The following USP7 variants were observed in gnomAD, a reference collection of about 807,000 sequenced individuals.
USP7 encodes the protein ubiquitin C-terminal hydrolase 7.
In USP7, 9 loss-of-function variants were observed where a neutral mutation model predicts 162.9. The ratio of observed to expected loss-of-function variants is 0.06; its 90% CI spans 0.03 to 0.10. The LOEUF (loss-of-function observed/expected upper bound fraction) is 0.10, where lower values mean the gene tolerates loss of function less well. Among genes scored for constraint, USP7 ranks in the 10% least tolerant of loss-of-function variants. The pLI is 1.00. For synonymous variants in USP7, 562 were observed against 475.9 expected, an observed-to-expected ratio of 1.18 and a Z score of -2.35; for missense variants, 715 against 1,373.7, an observed-to-expected ratio of 0.52 and a Z score of 7.58.
At chr16:8,947,577 G>A (rs1899346961) in intron 1 of USP7, among the ~76,000 whole-genome samples, 1 of 152,140 alleles carries the variant, frequency 6.6e-6, no homozygotes, top group African/African-American at 2.4e-5. Flanking sequence ...CGAACTTCCG[G>A]CCTCAAGTGA....
chr16:8,929,313 G>A (rs1033136618), intron 2 of USP7: 1 of 357,646 alleles, frequency 2.8e-6, no homozygotes, highest in Non-Finnish European at 5.5e-6. Flanking sequence ...CTCGTCTACG[G>A]TGGAAAGCGC....
At chr16:8,902,358 G>A (rs762513974) in intron 17 of USP7, 23 bp downstream of exon 17, 1 of 1,611,832 alleles carries the variant, frequency 6.2e-7, no homozygotes, top group East Asian at 2.2e-5. Context: ...TTCCAAACCA[G>A]ATACGCTATT....
At chr16:8,918,060 A>G (rs1224024553) in intron 6 of USP7, among the ~76,000 whole-genome samples, 2 of 152,154 alleles carry the variant, frequency 1.3e-5, no homozygotes, top group Admixed American at 6.5e-5. Context: ...AAAGTGCTGG[A>G]ATTACAGGCA....
chr16:8,906,376 G>A (rs2061860933), intron 13 of USP7, 50 bp downstream of exon 13: 1 of 1,587,418 alleles, frequency 6.3e-7, no homozygotes, highest in Non-Finnish European at 8.6e-7. Flanking sequence ...AGCAGAGCTT[G>A]TGTTAACTTT....
intron 1 of USP7, among the ~76,000 whole-genome samples, chr16:8,937,283 G>A (rs892568905): frequency 3.3e-5 from 5 of 152,120 alleles, no homozygotes; most frequent in African/African-American, 1.2e-4. Context: ...GGTGGCTCAC[G>A]CCTGTAATCC....
intron 30 of USP7, 101 bp downstream of exon 30, chr16:8,894,449 A>AG: frequency 8.5e-7 from 1 of 1,176,810 alleles, no homozygotes; most frequent in Non-Finnish European, 1.2e-6. Flanking sequence ...GTGGAGAGAG[A>AG]GGAGCTGGCA....
chr16:8,895,922 C>T (rs866218900), intron 26 of USP7, among the ~76,000 whole-genome samples, 181 bp from the exon 27 acceptor site: 2 of 151,538 alleles, frequency 1.3e-5, no homozygotes, highest in African/African-American at 4.9e-5. Flanking sequence ...CTGCAACCTC[C>T]GCCTCCCGGG....
chr16:8,960,760 C>A (rs1451497839), intron 1 of USP7, among the ~76,000 whole-genome samples: 1 of 152,226 alleles, frequency 6.6e-6, no homozygotes, highest in Non-Finnish European at 1.5e-5. Context: ...TGTTCTCTCA[C>A]TCTTTCGGGT....
At chr16:8,952,898 G>A (rs1209608494) in intron 1 of USP7, among the ~76,000 whole-genome samples, 1 of 151,550 alleles carries the variant, frequency 6.6e-6, no homozygotes, top group Non-Finnish European at 1.5e-5. Context: ...GTGCACTGGC[G>A]CAATCTCGGC....
At chr16:8,932,390 A>C (rs1898407835) in intron 1 of USP7, among the ~76,000 whole-genome samples, 1 of 152,074 alleles carries the variant, frequency 6.6e-6, no homozygotes, top group Non-Finnish European at 1.5e-5. Context: ...ACATAGTGAG[A>C]CCTCATCTCA....
At chr16:8,916,663 C>A in intron 7 of USP7, 107 bp from the exon 8 acceptor site, 1 of 1,117,912 alleles carries the variant, frequency 8.9e-7, no homozygotes, top group South Asian at 1.5e-5. Context: ...CTATTATTCT[C>A]AAATTCCTTT....
At chr16:8,949,215 A>G (rs1435045173) in intron 1 of USP7, among the ~76,000 whole-genome samples, 1 of 152,250 alleles carries the variant, frequency 6.6e-6, no homozygotes, top group Admixed American at 6.5e-5. Flanking sequence ...ATTTTATCAA[A>G]AAGCACAGAT....
intron 5 of USP7, 24 bp downstream of exon 5, chr16:8,920,335 G>A: frequency 1.3e-6 from 2 of 1,587,484 alleles, no homozygotes; most frequent in Non-Finnish European, 1.7e-6. Context: ...ATTTTTAACA[G>A]CACCTGATTA....
At chr16:8,919,854 A>G (rs1897589893) in intron 5 of USP7, among the ~76,000 whole-genome samples, 1 of 152,122 alleles carries the variant, frequency 6.6e-6, no homozygotes, top group Non-Finnish European at 1.5e-5. Context: ...ACCATTCACC[A>G]GCACCTTGCC....
chr16:8,920,244 G>T, intron 5 of USP7, 115 bp downstream of exon 5: 1 of 869,742 alleles, frequency 1.1e-6, no homozygotes, highest in Non-Finnish European at 1.8e-6. Flanking sequence ...CAGGGCAAGC[G>T]CAGAGAGGAG....
At chr16:8,943,514 G>T (rs902043212) in intron 1 of USP7, among the ~76,000 whole-genome samples, 1 of 152,022 alleles carries the variant, frequency 6.6e-6, no homozygotes, top group Non-Finnish European at 1.5e-5. Flanking sequence ...GATCAACACC[G>T]AGAATGCAGG....
chr16:8,919,458 T>C (rs1360302807), intron 5 of USP7, among the ~76,000 whole-genome samples: 6 of 151,916 alleles, frequency 3.9e-5, no homozygotes, highest in Non-Finnish European at 8.8e-5. Flanking sequence ...ATGGTAGAGT[T>C]TGGTTACATA....
At chr16:8,958,568 A>C (rs1567251077) in intron 1 of USP7, among the ~76,000 whole-genome samples, 1 of 152,214 alleles carries the variant, frequency 6.6e-6, no homozygotes, top group Non-Finnish European at 1.5e-5. Context: ...CTTTCAGGGG[A>C]TGTCTGAGAC....
chr16:8,913,528 G>A (rs1241442358), intron 10 of USP7, among the ~76,000 whole-genome samples: 1 of 151,918 alleles, frequency 6.6e-6, no homozygotes, highest in Non-Finnish European at 1.5e-5. Context: ...ACAGACCGAA[G>A]GAAGGAACCT....
Sources: allele counts gnomAD v4.1 joint callset (sites outside exome capture counted in the v4.1 genomes callset), GRCh38; gene constraint gnomAD v4.1.1; transcripts MANE v1.5; gene names NCBI Gene and HGNC (gene_info 2026-07-23, HGNC 2026-07-21).